The following EML6 variants were observed in gnomAD, a reference collection of about 807,000 sequenced individuals.
EML6 encodes the protein EMAP like 6.
A neutral mutation model predicts 240.1 loss-of-function variants in EML6; 154 were observed. The ratio of observed to expected loss-of-function variants is 0.64; its 90% CI spans 0.56 to 0.73. The LOEUF is 0.73. Ranked by LOEUF, EML6 falls within the 30% of genes least tolerant of loss-of-function variation. EML6 has a pLI of 0.00. For synonymous variants in EML6, 1,148 were observed against 899.0 expected (o/e 1.28, Z -4.95); for missense variants, 2,964 against 2,474.6 (o/e 1.20, Z -4.20).
intron 28 of EML6, 86 bp from the exon 29 acceptor site, chr2:54,948,796 G>C: frequency 9.9e-7 from 1 of 1,011,256 alleles, no homozygotes; most frequent in South Asian, 1.4e-5. Context: ...GAGGAGGCCG[G>C]CACTGGCCTA....
intron 13 of EML6, among the ~76,000 whole-genome samples, chr2:54,864,459 C>G (rs1191367957): frequency 3.3e-5 from 5 of 152,218 alleles, no homozygotes; most frequent in African/African-American, 7.2e-5. Flanking sequence ...TGGAAGTTGA[C>G]ATATCATTTT....
intron 2 of EML6, among the ~76,000 whole-genome samples, chr2:54,726,445 CTT>C (rs10717514): frequency 1.3e-5 from 2 of 150,974 alleles, no homozygotes; most frequent in African/African-American, 2.4e-5. Flanking sequence ...ATTCCAGAGC[CTT>C]TTTTTTTTCT....
At chr2:54,760,848 T>G (rs1436063705) in intron 2 of EML6, among the ~76,000 whole-genome samples, 1 of 143,328 alleles carries the variant, frequency 7.0e-6, no homozygotes, top group African/African-American at 2.6e-5. Context: ...TTTTTTTTAC[T>G]AGAAAAAGAA....
At chr2:54,905,547 C>G (rs1408939518) in intron 24 of EML6, among the ~76,000 whole-genome samples, 1 of 152,078 alleles carries the variant, frequency 6.6e-6, no homozygotes, top group African/African-American at 2.4e-5. Context: ...GTACACATAA[C>G]AAAAATGTAC....
At chr2:54,792,193 T>C (rs557781795) in intron 2 of EML6, among the ~76,000 whole-genome samples, 18 of 152,340 alleles carry the variant, frequency 1.2e-4, no homozygotes, top group African/African-American at 3.6e-4. Context: ...CCTTTTGACA[T>C]GTAATATTTT....
chr2:54,842,947 C>T (rs1011697315), intron 7 of EML6, among the ~76,000 whole-genome samples: 10 of 152,190 alleles, frequency 6.6e-5, no homozygotes, highest in Non-Finnish European at 1.0e-4. Context: ...ATTGGAGTTT[C>T]ATTTGCATAT....
chr2:54,729,179 C>G (rs1046150070), intron 2 of EML6, among the ~76,000 whole-genome samples: 6 of 152,302 alleles, frequency 3.9e-5, no homozygotes, highest in African/African-American at 1.4e-4. Context: ...AAATGTTTGG[C>G]CAGTGGTAAG....
intron 7 of EML6, among the ~76,000 whole-genome samples, chr2:54,831,773 T>C (rs1302476652): frequency 1.3e-5 from 2 of 151,882 alleles, no homozygotes; most frequent in East Asian, 3.9e-4. Context: ...CCAGTTTGAG[T>C]CCCAGGGAGT....
intron 28 of EML6, among the ~76,000 whole-genome samples, chr2:54,933,164 C>G (rs190157165): frequency 6.6e-6 from 1 of 152,276 alleles, no homozygotes; most frequent in East Asian, 1.9e-4. Context: ...GCCTCTGATT[C>G]ACAAGTTCCC....
intron 26 of EML6, among the ~76,000 whole-genome samples, chr2:54,919,882 T>G (rs1202721666): frequency 1.3e-5 from 2 of 152,248 alleles, no homozygotes; most frequent in African/African-American, 4.8e-5. Context: ...AGCTCTGGAA[T>G]CCCGTTCCTG....
chr2:54,963,733 T>TTA (rs1676627510), intron 36 of EML6, among the ~76,000 whole-genome samples: 1 of 152,220 alleles, frequency 6.6e-6, no homozygotes, highest in African/African-American at 2.4e-5. Context: ...GAGTCTAAAG[T>TTA]GGGTGCTACC....
chr2:54,750,796 C>T (rs1220251444), intron 2 of EML6, among the ~76,000 whole-genome samples: 2 of 152,124 alleles, frequency 1.3e-5, no homozygotes, highest in Non-Finnish European at 2.9e-5. Context: ...GACACTCTGG[C>T]CTTGCCTGGG....
intron 24 of EML6, among the ~76,000 whole-genome samples, chr2:54,903,973 A>G (rs1250051518): frequency 2.6e-5 from 4 of 152,296 alleles, no homozygotes; most frequent in East Asian, 3.9e-4. Flanking sequence ...TCTCTGCTCT[A>G]TAAAACTCCC....
intron 13 of EML6, among the ~76,000 whole-genome samples, chr2:54,866,115 T>G (rs1300742697): frequency 1.3e-5 from 2 of 152,238 alleles, no homozygotes; most frequent in East Asian, 3.8e-4. Context: ...TTATGATTTT[T>G]AAAAGAGTTT....
chr2:54,820,218 G>C (rs1668269172), intron 4 of EML6, among the ~76,000 whole-genome samples, 176 bp from the exon 5 acceptor site: 1 of 152,176 alleles, frequency 6.6e-6, no homozygotes, highest in Non-Finnish European at 1.5e-5. Context: ...TAGATATGAG[G>C]TGATAACGTG....
intron 15 of EML6, 46 bp downstream of exon 15, chr2:54,869,413 A>C (rs1671140188): frequency 7.2e-7 from 1 of 1,382,224 alleles, no homozygotes; most frequent in Admixed American, 2.5e-5. Flanking sequence ...AGAGAATTTA[A>C]TTTTTGAATT....
At chr2:54,745,816 AC>A (rs1683886383) in intron 2 of EML6, among the ~76,000 whole-genome samples, 1 of 152,148 alleles carries the variant, frequency 6.6e-6, no homozygotes, top group South Asian at 2.1e-4. Flanking sequence ...ACCATGGGGT[AC>A]ATCCTTCCCT....
intron 2 of EML6, among the ~76,000 whole-genome samples, chr2:54,787,387 T>C (rs2103879913): frequency 6.6e-6 from 1 of 152,236 alleles, no homozygotes; most frequent in East Asian, 1.9e-4. Context: ...AAGATTGAGT[T>C]ATGAAAAGAT....
At chr2:54,735,814 C>A (rs1683364130) in intron 2 of EML6, among the ~76,000 whole-genome samples, 1 of 152,184 alleles carries the variant, frequency 6.6e-6, no homozygotes, top group Non-Finnish European at 1.5e-5. Flanking sequence ...GAAGTGAAGT[C>A]CAGATGTCTG....
Sources: gnomAD v4.1 joint callset for allele counts (sites outside exome capture counted in the v4.1 genomes callset) on GRCh38, gnomAD v4.1.1 for gene constraint, MANE v1.5 for transcripts, NCBI Gene and HGNC (gene_info 2026-07-23, HGNC 2026-07-21) for gene names.